The following AHCY variants were observed in gnomAD, a reference collection of about 807,000 sequenced individuals.
AHCY encodes the protein S-adenosyl-L-homocysteine hydrolase.
In AHCY, 24 loss-of-function variants were observed where a neutral mutation model predicts 45.4. The ratio of observed to expected loss-of-function variants is 0.53; its 90% CI spans 0.38 to 0.74. AHCY has a LOEUF of 0.74. AHCY is among the 30% of genes least tolerant of loss of function. The pLI is 0.00. For synonymous variants in AHCY, 245 were observed against 235.1 expected, an observed-to-expected ratio of 1.04 and a Z score of -0.39; for missense variants, 449 against 594.1, an observed-to-expected ratio of 0.76 and a Z score of 2.54.
chr20:34,233,397 T>G, the AHCY span, among the ~76,000 whole-genome samples: 4 of 152,054 alleles, frequency 2.6e-5, no homozygotes, highest in African/African-American at 9.7e-5. Flanking sequence ...TCTGCCCACC[T>G]CGGCCTCCCA....
At chr20:34,243,572 A>T in the AHCY span, among the ~76,000 whole-genome samples, 1 of 152,116 alleles carries the variant, frequency 6.6e-6, no homozygotes, top group South Asian at 2.1e-4. Flanking sequence ...TGTGGAGCAC[A>T]TGTTGATACA....
At chr20:34,303,167 C>G (rs2036840474) in intron 1 of AHCY, 76 bp downstream of exon 1, 10 of 1,546,032 alleles carry the variant, frequency 6.5e-6, no homozygotes, top group African/African-American at 1.4e-5. Context: ...CCCGAGTCGG[C>G]CCTGCAGCCC....
At chr20:34,303,918 TGAGCCTGGAGATCGAGGCTG>T (rs1474632157), upstream of AHCY, among the ~76,000 whole-genome samples, 1 of 152,124 alleles carries the variant, frequency 6.6e-6, no homozygotes, top group Non-Finnish European at 1.5e-5. Context: ...GAGGATCTTT[TGAGCCTGGAGATCGAGGCTG>T]CAGTGAGCTA....
At chr20:34,303,180 G>C in intron 1 of AHCY, 63 bp downstream of exon 1, 1 of 1,548,450 alleles carries the variant, frequency 6.5e-7, no homozygotes, top group African/African-American at 1.4e-5. Context: ...TGCAGCCCCC[G>C]CCACGAACAA....
At chr20:34,289,868 A>G (rs577973551) in intron 8 of AHCY, among the ~76,000 whole-genome samples, 2 of 151,996 alleles carry the variant, frequency 1.3e-5, no homozygotes, top group South Asian at 4.2e-4. Flanking sequence ...TGATCCGCCC[A>G]TCTCGGCCTT....
chr20:34,283,006 C>T (rs1217273662), intron 9 of AHCY, among the ~76,000 whole-genome samples: 1 of 152,134 alleles, frequency 6.6e-6, no homozygotes, highest in East Asian at 1.9e-4. Context: ...ATCCTTGTAT[C>T]TTCAGATGAA....
chr20:34,242,436 T>C, the AHCY span, among the ~76,000 whole-genome samples: 1 of 152,120 alleles, frequency 6.6e-6, no homozygotes, highest in Non-Finnish European at 1.5e-5. Flanking sequence ...TTCCACTATG[T>C]TGGCCAGGCT....
the AHCY span, among the ~76,000 whole-genome samples, chr20:34,240,925 A>G: frequency 6.6e-6 from 1 of 152,156 alleles, no homozygotes; most frequent in East Asian, 1.9e-4. Flanking sequence ...ATGAGTATGA[A>G]GGCATGACGT....
At position 34,281,124 on chromosome 20, in the gene AHCY, A is replaced by G; in HGVS notation, c.1209T>C (p.Asn403=). Residue 403 remains asparagine (N), a synonymous_variant, in exon 10 of 10, where the codon AAT becomes AAC. Coordinates refer to ENST00000217426, the MANE Select transcript of AHCY (RefSeq NM_000687.4). ...TCTCAGTTAGCTTGGTCAACTTCAC[A>G]TTCAGCTTGCCCAGGTGGGCTTCAG... ...AVAEAHLGKL[N]VKLTKLTEKQ... 6.2e-7 allele frequency: 1 copy of G among 1,613,944 alleles called. No homozygotes were observed.
chr20:34,295,990 T>C (rs2036566976), intron 1 of AHCY, among the ~76,000 whole-genome samples: 1 of 152,114 alleles, frequency 6.6e-6, no homozygotes, highest in African/African-American at 2.4e-5. Context: ...CCTCTCTCAG[T>C]CATCACTCTC....
chr20:34,301,825 A>G (rs2036782428), intron 1 of AHCY: 8 of 985,364 alleles, frequency 8.1e-6, no homozygotes. Flanking sequence ...TTGATGAACT[A>G]CTTCAACAGA....
At chr20:34,248,448 G>A in the AHCY span, among the ~76,000 whole-genome samples, 4 of 152,124 alleles carry the variant, frequency 2.6e-5, no homozygotes, top group African/African-American at 9.7e-5. Flanking sequence ...AGAGTTAGCT[G>A]GAAATCATTG....
intron 3 of AHCY, chr20:34,293,858 T>C: frequency 3.3e-6 from 2 of 609,058 alleles, no homozygotes; most frequent in Non-Finnish European, 5.9e-6. Flanking sequence ...TTGCTCTTCC[T>C]GGTTACACGG....
At chr20:34,232,573 G>A in the AHCY span, among the ~76,000 whole-genome samples, 1 of 152,308 alleles carries the variant, frequency 6.6e-6, no homozygotes, top group East Asian at 1.9e-4. Flanking sequence ...TAAGTCTCAG[G>A]AGGATCTGTA....
At chr20:34,306,370 C>CT (rs11478081), upstream of AHCY, among the ~76,000 whole-genome samples, 1,386 of 137,844 alleles carry the variant, frequency 0.01, 20 homozygotes, top group African/African-American at 0.031. Context: ...ATTTCAGCTT[C>CT]TTTTTTTTTT....
At chr20:34,281,254 T>C (rs2122711951) in intron 9 of AHCY, 89 bp from the exon 10 acceptor site, 3 of 1,571,244 alleles carry the variant, frequency 1.9e-6, no homozygotes, top group East Asian at 2.2e-5. Flanking sequence ...AGAAGTGTTC[T>C]GTTAGGGTTT....
In AHCY at chr20:34,285,460, C is replaced by A. The variant is rs776338772; in HGVS notation, c.1147G>T (p.Val383Phe). The A allele has an allele frequency of 1.2e-6, 2 of 1,614,000 alleles. No individual in the cohort carries two copies. The highest frequency in any genetic ancestry group is 2.2e-5 in the South Asian group (2 of 91,078). The part of the protein sequence containing the change: ...WTHPDKYPVG[V>F]HFLPKKLDEA... The stretch of plus-strand genomic sequence containing the variant: ...CCCACCTTCTTGGGCAGGAAATGAA[C>A]CCCAACGGGGTACTTGTCTGGATGG... Residue 383 changes from valine to phenylalanine, a missense_variant, in exon 9 of 10, where the codon GTT becomes TTT. Val to Phe is a conservative substitution (Grantham distance 50). Transcript: ENST00000217426.
At chr20:34,272,459 C>T in the AHCY span, among the ~76,000 whole-genome samples, 1 of 152,208 alleles carries the variant, frequency 6.6e-6, no homozygotes, top group African/African-American at 2.4e-5. Flanking sequence ...TCTGAGGGCT[C>T]AGTCCCCAAG....
At chr20:34,291,286 T>C (rs1464981651) in intron 5 of AHCY, 133 bp downstream of exon 5, 4 of 856,686 alleles carry the variant, frequency 4.7e-6, no homozygotes, top group Non-Finnish European at 7.9e-6. Flanking sequence ...CATTAGCCTG[T>C]CTATAACCGC....
Sources: gnomAD v4.1 joint callset for allele counts (sites outside exome capture counted in the v4.1 genomes callset) on GRCh38, gnomAD v4.1.1 for gene constraint, MANE v1.5 for transcripts, NCBI Gene and HGNC (gene_info 2026-07-23, HGNC 2026-07-21) for gene names.